KLHL32: variants seen among roughly 807,000 people sequenced by gnomAD.
KLHL32 encodes the protein kelch-like protein 32.
Under a neutral mutation model 64.8 loss-of-function variants are expected in KLHL32, and 35 were observed. The observed-to-expected ratio is 0.54, with a 90% confidence interval of 0.41 to 0.72. The LOEUF is 0.72. Ranked by LOEUF, KLHL32 falls within the 30% of genes least tolerant of loss-of-function variation. The pLI is 0.00. For synonymous variants in KLHL32, 259 were observed against 281.0 expected, an observed-to-expected ratio of 0.92 and a Z score of 0.78; for missense variants, 589 against 768.5, an observed-to-expected ratio of 0.77 and a Z score of 2.76.
At chr6:96,992,020 C>T (rs910622941) in intron 3 of KLHL32, among the ~76,000 whole-genome samples, 13 of 152,200 alleles carry the variant, frequency 8.5e-5, no homozygotes, top group African/African-American at 3.1e-4. Flanking sequence ...GCCTGCGACC[C>T]GAGAGCTCAG....
chr6:97,068,989 G>A (rs1451154458), intron 5 of KLHL32, among the ~76,000 whole-genome samples: 3 of 152,208 alleles, frequency 2.0e-5, no homozygotes. Context: ...ACGCAAGGGC[G>A]ATAGGTAGAG....
At chr6:97,126,373 A>C (rs1406323917) in intron 7 of KLHL32, among the ~76,000 whole-genome samples, 7 of 151,516 alleles carry the variant, frequency 4.6e-5, no homozygotes, top group Non-Finnish European at 7.4e-5. Flanking sequence ...TTTCCACTTA[A>C]TGGTAAAACT....
the KLHL32 span, among the ~76,000 whole-genome samples, chr6:96,902,886 T>G: frequency 3.0e-3 from 453 of 152,320 alleles, 1 homozygote; most frequent in African/African-American, 0.01. Context: ...TTGTCAAAGA[T>G]CAAATGATCA....
At chr6:96,957,191 CTATA>C (rs1040580733) in intron 1 of KLHL32, among the ~76,000 whole-genome samples, 2 of 151,930 alleles carry the variant, frequency 1.3e-5, no homozygotes, top group African/African-American at 4.8e-5. Context: ...AATGAACAGT[CTATA>C]TATTAAAATT....
chr6:96,957,116 G>A (rs1285513964), intron 1 of KLHL32, among the ~76,000 whole-genome samples: 2 of 152,054 alleles, frequency 1.3e-5, no homozygotes, highest in Non-Finnish European at 2.9e-5. Flanking sequence ...ATCTTTTTAT[G>A]TCACTCCTGA....
chr6:96,954,312 A>ATTTT (rs71012579), intron 1 of KLHL32, among the ~76,000 whole-genome samples: 108 of 89,428 alleles, frequency 1.2e-3, no homozygotes, highest in African/African-American at 4.0e-3. Context: ...CTTTCCTTCA[A>ATTTT]TTTTTTTTTT....
At chr6:97,074,841 A>C (rs1438633391) in intron 5 of KLHL32, among the ~76,000 whole-genome samples, 3 of 151,362 alleles carry the variant, frequency 2.0e-5, no homozygotes, top group Non-Finnish European at 4.4e-5. Context: ...CTAGTTGCTC[A>C]GATAAACTAT....
chr6:97,000,390 A>G lies in KLHL32; in HGVS notation c.204+24213A>G. 1.3e-5 allele frequency among the ~76,000 whole-genome samples: 2 copies of G among 152,220 alleles called. 1 individual carries two copies. Among genetic ancestry groups the G allele is most frequent in the Non-Finnish European group, 2.9e-5 (2 of 68,032 alleles). The stretch of plus-strand genomic sequence containing the variant: ...TACACACTGTGTCAGTTCAATGGGC[A>G]TTTTTTGACAGGAAGTCTTTCTTGA... On this transcript the variant is annotated intron_variant, in intron 3 of 10. Coordinates refer to ENST00000369261, the MANE Select transcript of KLHL32 (RefSeq NM_052904.4).
intron 3 of KLHL32, among the ~76,000 whole-genome samples, chr6:96,997,953 C>T (rs1268360951): frequency 6.6e-6 from 1 of 152,168 alleles, no homozygotes; most frequent in East Asian, 1.9e-4. Context: ...TTTGTAGACT[C>T]TTCATTACCA....
chr6:96,989,052 T>C (rs980849498), intron 3 of KLHL32, among the ~76,000 whole-genome samples: 1 of 152,194 alleles, frequency 6.6e-6, no homozygotes, highest in Non-Finnish European at 1.5e-5. Context: ...CATGTATACA[T>C]ATGTAACAAA....
chr6:96,967,201 C>G, intron 2 of KLHL32, 118 bp downstream of exon 2: 3 of 818,626 alleles, frequency 3.7e-6, no homozygotes, highest in Non-Finnish European at 3.9e-6. Flanking sequence ...AATCATCAAA[C>G]TAGTCAGAGC....
chr6:97,109,599 C>T (rs550401501), intron 6 of KLHL32, among the ~76,000 whole-genome samples: 6 of 152,210 alleles, frequency 3.9e-5, no homozygotes, highest in Admixed American at 2.0e-4. Context: ...GTGCTTCTCA[C>T]GCAGTTAGTA....
intron 5 of KLHL32, among the ~76,000 whole-genome samples, chr6:97,076,295 T>C (rs1267428716): frequency 2.6e-5 from 4 of 152,232 alleles, no homozygotes; most frequent in South Asian, 2.1e-4. Context: ...TCAGTGAGTA[T>C]GGACTATGCA....
chr6:97,052,400 T>A (rs1017961166), intron 4 of KLHL32, among the ~76,000 whole-genome samples: 2 of 152,208 alleles, frequency 1.3e-5, no homozygotes, highest in African/African-American at 4.8e-5. Flanking sequence ...AAAGTAACAG[T>A]CTTCTCTTTG....
chr6:97,026,070 T>C (rs1582758326), intron 3 of KLHL32, among the ~76,000 whole-genome samples: 1 of 151,982 alleles, frequency 6.6e-6, no homozygotes, highest in Admixed American at 6.6e-5. Context: ...AATATAATTA[T>C]ATAAATTTTG....
chr6:97,087,999 T>C (rs1793683647), intron 6 of KLHL32, among the ~76,000 whole-genome samples: 1 of 152,160 alleles, frequency 6.6e-6, no homozygotes, highest in African/African-American at 2.4e-5. Context: ...TTCTTTTTTT[T>C]CCATCTGACC....
intron 1 of KLHL32, among the ~76,000 whole-genome samples, chr6:96,946,002 G>A (rs1771876625): frequency 6.6e-6 from 1 of 152,020 alleles, no homozygotes. Context: ...GACAAGGATG[G>A]TTTTTAACTT....
intron 3 of KLHL32, among the ~76,000 whole-genome samples, chr6:96,988,682 T>C (rs1390016257): frequency 2.6e-5 from 4 of 152,184 alleles, no homozygotes; most frequent in Admixed American, 6.5e-5. Flanking sequence ...CTATTCACAA[T>C]AGCAAAGACT....
At chr6:97,063,677 G>A (rs78481175) in intron 4 of KLHL32, among the ~76,000 whole-genome samples, 2,664 of 152,290 alleles carry the variant, frequency 0.017, 33 homozygotes, top group South Asian at 0.064. Context: ...AAAAACACTA[G>A]TTGCCTCACC....
Sources: allele counts gnomAD v4.1 joint callset (sites outside exome capture counted in the v4.1 genomes callset), GRCh38; gene constraint gnomAD v4.1.1; transcripts MANE v1.5; gene names NCBI Gene and HGNC (gene_info 2026-07-23, HGNC 2026-07-21).